MAML3: variants seen among roughly 807,000 people sequenced by gnomAD.
MAML3 encodes the protein mastermind like transcriptional coactivator 3.
A neutral mutation model predicts 101.9 loss-of-function variants in MAML3; 27 were observed. That is an observed-to-expected ratio of 0.27 (90% CI 0.20 to 0.37). The LOEUF is 0.37. Among genes scored for constraint, MAML3 ranks in the 10% least tolerant of loss-of-function variants. The pLI, the probability that MAML3 is intolerant of heterozygous loss-of-function variation, is 1.00. For synonymous variants in MAML3, 501 were observed against 555.9 expected, an observed-to-expected ratio of 0.90 and a Z score of 1.39; for missense variants, 1,316 against 1,444.9, an observed-to-expected ratio of 0.91 and a Z score of 1.45.
intron 2 of MAML3, among the ~76,000 whole-genome samples, chr4:139,793,289 G>C (rs1356410655): frequency 6.6e-6 from 1 of 152,076 alleles, no homozygotes; most frequent in Non-Finnish European, 1.5e-5. Context: ...GTGACTGTGC[G>C]AACTCCCCGT....
At chr4:140,002,690 T>A (rs1392803573) in intron 1 of MAML3, among the ~76,000 whole-genome samples, 2 of 152,194 alleles carry the variant, frequency 1.3e-5, no homozygotes, top group African/African-American at 4.8e-5. Flanking sequence ...GTGGCTGCCC[T>A]CAAGGATAAT....
intron 1 of MAML3, among the ~76,000 whole-genome samples, chr4:140,144,480 G>A (rs566067617): frequency 7.3e-5 from 11 of 150,490 alleles, no homozygotes; most frequent in Admixed American, 5.3e-4. Flanking sequence ...CCTGGGAGGT[G>A]GATCGTGCCA....
chr4:139,807,634 G>A (rs1170145278), intron 2 of MAML3, among the ~76,000 whole-genome samples: 3 of 152,220 alleles, frequency 2.0e-5, no homozygotes, highest in South Asian at 2.1e-4. Context: ...CTCAGTGGCA[G>A]AAGAGCCTTG....
At chr4:139,853,646 T>C (rs1731600152) in intron 2 of MAML3, among the ~76,000 whole-genome samples, 1 of 152,060 alleles carries the variant, frequency 6.6e-6, no homozygotes, top group African/African-American at 2.4e-5. Context: ...TCAGTGTTAT[T>C]AGCACTTGCT....
chr4:139,826,258 A>C (rs1425635548), intron 2 of MAML3, among the ~76,000 whole-genome samples: 1 of 152,086 alleles, frequency 6.6e-6, no homozygotes, highest in Non-Finnish European at 1.5e-5. Flanking sequence ...GAAAGCGGAC[A>C]TGGGCTGGCT....
chr4:139,856,325 T>G (rs183771417), intron 2 of MAML3, among the ~76,000 whole-genome samples: 1 of 152,276 alleles, frequency 6.6e-6, no homozygotes, highest in Admixed American at 6.5e-5. Context: ...GAAGTCGAAT[T>G]CAAATGGAGA....
chr4:139,869,899 C>T (rs1273881644), intron 2 of MAML3, among the ~76,000 whole-genome samples: 4 of 152,284 alleles, frequency 2.6e-5, no homozygotes, highest in South Asian at 2.1e-4. Context: ...CCATTTCATT[C>T]GGTGAGTGTC....
chr4:139,838,623 G>A (rs554877974), intron 2 of MAML3, among the ~76,000 whole-genome samples: 23 of 152,142 alleles, frequency 1.5e-4, no homozygotes, highest in African/African-American at 5.5e-4. Flanking sequence ...TTTTATTCCT[G>A]GTTCTTCTAA....
chr4:139,942,545 GC>G (rs1484669794), intron 1 of MAML3, among the ~76,000 whole-genome samples: 1 of 151,958 alleles, frequency 6.6e-6, no homozygotes, highest in African/African-American at 2.4e-5. Context: ...AGGTCACTCG[GC>G]CCCCTTTGTT....
At chr4:139,777,526 CATTT>C (rs906165686) in intron 2 of MAML3, among the ~76,000 whole-genome samples, 1 of 152,146 alleles carries the variant, frequency 6.6e-6, no homozygotes, top group Non-Finnish European at 1.5e-5. Flanking sequence ...TGCTTTAAAA[CATTT>C]ATATTTATTT....
At chr4:139,789,445 A>G (rs1451649184) in intron 2 of MAML3, among the ~76,000 whole-genome samples, 1 of 152,180 alleles carries the variant, frequency 6.6e-6, no homozygotes, top group Non-Finnish European at 1.5e-5. Flanking sequence ...TCTAGAAAGC[A>G]GAATCTAGAA....
intron 1 of MAML3, among the ~76,000 whole-genome samples, chr4:139,946,925 A>ACACT (rs1335985003): frequency 3.3e-3 from 227 of 68,184 alleles, no homozygotes; most frequent in African/African-American, 0.01. Flanking sequence ...ACACACACAC[A>ACACT]CTCTCTCTCT....
chr4:139,784,192 C>T lies in MAML3; in HGVS notation c.2080-53525G>A, dbSNP rs187497480. ...GATGAGAGCAGTCAACAAGGCCAGG[C>T]CCGCCTGATGCCGCCCAGCTGCCCG... On this transcript the variant is annotated intron_variant, in intron 2 of 4. Transcript: ENST00000509479. Among the ~76,000 whole-genome samples, 128 of 152,356 alleles carry T rather than the reference C, an allele frequency of 8.4e-4. 1 individual carries two copies. Among genetic ancestry groups the T allele is most frequent in the African/African-American group, 2.8e-3 (118 of 41,586 alleles).
At chr4:139,751,476 GT>G (rs1472386053) in intron 2 of MAML3, among the ~76,000 whole-genome samples, 3 of 152,206 alleles carry the variant, frequency 2.0e-5, no homozygotes, top group Non-Finnish European at 4.4e-5. Flanking sequence ...ATGAAACAAA[GT>G]TTTGACTGCA....
At chr4:139,902,584 G>A (rs1732748615) in intron 1 of MAML3, among the ~76,000 whole-genome samples, 1 of 152,168 alleles carries the variant, frequency 6.6e-6, no homozygotes, top group Admixed American at 6.5e-5. Context: ...GGCAAACATG[G>A]AAGTCATTTG....
chr4:139,741,306 G>T lies in MAML3; in HGVS notation c.2080-10639C>A, dbSNP rs985078168. 4.7e-4 allele frequency among the ~76,000 whole-genome samples: 71 copies of T among 152,172 alleles called. 1 individual carries two copies. Among genetic ancestry groups the T allele is most frequent in the African/African-American group, 1.5e-3 (64 of 41,434 alleles). On this transcript the variant is annotated intron_variant, in intron 2 of 4. Coordinates refer to ENST00000509479, the MANE Select transcript of MAML3 (RefSeq NM_018717.5). ...ACCTGGTCCGTGAGGGCCTATGGGG[G>T]ATCAGGGCATAAGACCACCTGACCC...
chr4:139,898,140 T>C (rs1732647773), intron 1 of MAML3, among the ~76,000 whole-genome samples: 1 of 152,222 alleles, frequency 6.6e-6, no homozygotes, highest in South Asian at 2.1e-4. Context: ...ACTATTTTCC[T>C]TCATGGATGA....
chr4:139,911,998 T>C (rs1298351810), intron 1 of MAML3, among the ~76,000 whole-genome samples: 4 of 152,294 alleles, frequency 2.6e-5, no homozygotes, highest in Non-Finnish European at 5.9e-5. Flanking sequence ...TTGTGAATAA[T>C]GCTAGTAATG....
At chr4:139,988,661 T>C (rs779107163) in intron 1 of MAML3, among the ~76,000 whole-genome samples, 1 of 152,164 alleles carries the variant, frequency 6.6e-6, no homozygotes, top group Non-Finnish European at 1.5e-5. Flanking sequence ...AAAGAGGGCA[T>C]TTAAGAGAGT....
Sources: gnomAD v4.1 joint callset for allele counts (sites outside exome capture counted in the v4.1 genomes callset) on GRCh38, gnomAD v4.1.1 for gene constraint, MANE v1.5 for transcripts, NCBI Gene and HGNC (gene_info 2026-07-23, HGNC 2026-07-21) for gene names.